The following VTI1A variants were observed in gnomAD, a reference collection of about 807,000 sequenced individuals.
VTI1A encodes vesicle transport through interaction with t-SNAREs 1A.
In VTI1A, 22 loss-of-function variants were observed where a neutral mutation model predicts 34.9. The observed-to-expected ratio is 0.63, with a 90% CI of 0.45 to 0.90. The LOEUF is 0.90. Ranked by LOEUF, VTI1A falls within the 40% of genes least tolerant of loss-of-function variation. VTI1A has a pLI of 0.00. For synonymous variants in VTI1A, 87 were observed against 97.3 expected, an observed-to-expected ratio of 0.89 and a Z score of 0.62; for missense variants, 268 against 275.6, an observed-to-expected ratio of 0.97 and a Z score of 0.20.
chr10:112,633,098 G>C (rs1335573111), intron 5 of VTI1A, among the ~76,000 whole-genome samples: 1 of 152,202 alleles, frequency 6.6e-6, no homozygotes, highest in Non-Finnish European at 1.5e-5. Flanking sequence ...GAGGCGGGCA[G>C]ATCACGAGGT....
intron 7 of VTI1A, 69 bp from the exon 8 acceptor site, chr10:112,815,221 C>T: frequency 7.5e-7 from 1 of 1,327,042 alleles, no homozygotes; most frequent in Non-Finnish European, 1.1e-6. Flanking sequence ...CCAACCTGGC[C>T]TCGGACGGCG....
At chr10:112,724,347 A>G (rs1849929072) in intron 7 of VTI1A, among the ~76,000 whole-genome samples, 1 of 152,162 alleles carries the variant, frequency 6.6e-6, no homozygotes, top group African/African-American at 2.4e-5. Flanking sequence ...ACCGTGACAT[A>G]TTGCCAGCTG....
At chr10:112,798,060 TC>T (rs2134067956) in intron 7 of VTI1A, among the ~76,000 whole-genome samples, 1 of 11,610 alleles carries the variant, frequency 8.6e-5, no homozygotes, top group South Asian at 9.8e-3. Flanking sequence ...AACACCAGGC[TC>T]CAAAGCTTCC....
chr10:112,540,378 G>T (rs998301355), intron 5 of VTI1A, among the ~76,000 whole-genome samples: 1 of 152,126 alleles, frequency 6.6e-6, no homozygotes, highest in Non-Finnish European at 1.5e-5. Flanking sequence ...AAATATTATG[G>T]TATTGAGTAT....
the VTI1A span, chr10:112,824,634 G>A: frequency 4.6e-5 from 7 of 152,386 alleles, no homozygotes; most frequent in Admixed American, 1.3e-4. Context: ...CAGGAACAGC[G>A]TGGTACGGAT....
intron 7 of VTI1A, among the ~76,000 whole-genome samples, chr10:112,699,156 C>T (rs1386605922): frequency 6.6e-6 from 1 of 152,240 alleles, no homozygotes; most frequent in Non-Finnish European, 1.5e-5. Context: ...GTAATTTCAG[C>T]ATAGATGGCA....
intron 3 of VTI1A, among the ~76,000 whole-genome samples, chr10:112,522,125 G>A (rs1165168426): frequency 6.6e-6 from 1 of 152,068 alleles, no homozygotes; most frequent in Admixed American, 6.6e-5. Context: ...ATGGTTTTCT[G>A]TAGATATCCC....
In VTI1A at chr10:112,580,372, C is replaced by T. The variant is rs185203055; in HGVS notation, c.427+42042C>T. 2.6e-3 allele frequency among the ~76,000 whole-genome samples: 390 copies of T among 152,228 alleles called. 1 individual carries two copies. Among genetic ancestry groups the T allele is most frequent in the Non-Finnish European group, 4.6e-3 (312 of 68,000 alleles). ...TGAAGGTGAAAGGCAAGGTCAAGAA[C>T]TTAGAAAGAAGATGGGAAAGGCTGA... is the stretch of plus-strand genomic sequence containing the variant. On this transcript the variant is annotated intron_variant, in intron 5 of 7. Coordinates refer to ENST00000393077, the MANE Select transcript of VTI1A (RefSeq NM_145206.4).
intron 7 of VTI1A, among the ~76,000 whole-genome samples, chr10:112,738,938 C>T (rs1850593689): frequency 6.6e-6 from 1 of 152,150 alleles, no homozygotes; most frequent in Non-Finnish European, 1.5e-5. Flanking sequence ...GGGCTTAACA[C>T]GTTCCACGGC....
At chr10:112,848,580 G>A in the VTI1A span, among the ~76,000 whole-genome samples, 1 of 152,208 alleles carries the variant, frequency 6.6e-6, no homozygotes, top group Admixed American at 6.5e-5. Flanking sequence ...GATCATGGCA[G>A]TTACAGGAAA....
chr10:112,530,986 C>T (rs561720033), intron 4 of VTI1A, among the ~76,000 whole-genome samples: 1 of 151,772 alleles, frequency 6.6e-6, no homozygotes, highest in South Asian at 2.1e-4. Context: ...TATTCGTTAT[C>T]TGTATGCGAA....
At chr10:112,780,020 C>T (rs1590177410) in intron 7 of VTI1A, among the ~76,000 whole-genome samples, 1 of 150,564 alleles carries the variant, frequency 6.6e-6, no homozygotes, top group South Asian at 2.1e-4. Flanking sequence ...TGGCAGATTA[C>T]AGCTCACACC....
At chr10:112,527,247 TAACGGTATTAGC>T (rs1850265496) in intron 4 of VTI1A, 83 bp downstream of exon 4, 1 of 1,216,168 alleles carries the variant, frequency 8.2e-7, no homozygotes, top group African/African-American at 1.5e-5. Context: ...AGCTGCTCCT[TAACGGTATTAGC>T]AGCAACTCAT....
intron 5 of VTI1A, among the ~76,000 whole-genome samples, chr10:112,596,354 CTT>C (rs1387515030): frequency 6.6e-6 from 1 of 151,908 alleles, no homozygotes; most frequent in Non-Finnish European, 1.5e-5. Context: ...AGTATGAAGA[CTT>C]TTTTATTTTA....
chr10:112,456,508 G>A (rs1035984878), intron 1 of VTI1A, among the ~76,000 whole-genome samples: 2 of 151,666 alleles, frequency 1.3e-5, no homozygotes, highest in East Asian at 3.9e-4. Context: ...AGAACTCTAG[G>A]AATTCAAAGG....
At chr10:112,714,978 A>C (rs1849553270) in intron 7 of VTI1A, among the ~76,000 whole-genome samples, 1 of 152,142 alleles carries the variant, frequency 6.6e-6, no homozygotes, top group Non-Finnish European at 1.5e-5. Context: ...TAAAATTAAA[A>C]CCAAAACTTA....
the VTI1A span, chr10:112,826,053 T>G: frequency 6.6e-6 from 1 of 152,326 alleles, no homozygotes; most frequent in East Asian, 1.9e-4. Flanking sequence ...TTCTGACTGT[T>G]TGAACAAGGG....
At chr10:112,803,977 G>A (rs1047992269) in intron 7 of VTI1A, among the ~76,000 whole-genome samples, 1 of 152,156 alleles carries the variant, frequency 6.6e-6, no homozygotes, top group African/African-American at 2.4e-5. Context: ...CGCTCTGCAG[G>A]CCCCCTGCCA....
chr10:112,617,232 T>G (rs1845542886), intron 5 of VTI1A, among the ~76,000 whole-genome samples: 1 of 152,218 alleles, frequency 6.6e-6, no homozygotes, highest in South Asian at 2.1e-4. Context: ...CAGTAAATAG[T>G]ATTCCAAGTT....
Sources: gnomAD v4.1 joint callset for allele counts (sites outside exome capture counted in the v4.1 genomes callset) on GRCh38, gnomAD v4.1.1 for gene constraint, MANE v1.5 for transcripts, NCBI Gene and HGNC (gene_info 2026-07-23, HGNC 2026-07-21) for gene names.